Variants in CDH12 observed in about 807,000 individuals in gnomAD.
CDH12 encodes cadherin-12.
In CDH12, 41 loss-of-function variants were observed where a neutral mutation model predicts 74.1. The ratio of observed to expected loss-of-function variants is 0.55; its 90% CI spans 0.43 to 0.72. CDH12 has a LOEUF of 0.72. Among genes scored for constraint, CDH12 ranks in the 30% least tolerant of loss-of-function variants. The pLI, the probability that CDH12 is intolerant of heterozygous loss-of-function variation, is 0.00. For missense variants in CDH12, 945 were observed against 977.2 expected (o/e 0.97, Z 0.44); for synonymous variants, 399 against 355.0 (o/e 1.12, Z -1.39).
intron 6 of CDH12, among the ~76,000 whole-genome samples, chr5:21,974,246 A>C (rs1236353625): frequency 6.6e-6 from 1 of 151,362 alleles, no homozygotes. Flanking sequence ...TACATGTGAT[A>C]AGTTGCTTTA....
chr5:22,689,539 C>T (rs1208759928), intron 1 of CDH12, among the ~76,000 whole-genome samples: 2 of 151,912 alleles, frequency 1.3e-5, no homozygotes, highest in African/African-American at 2.4e-5. Flanking sequence ...AGTGCAAATA[C>T]ATAACTAGGA....
At chr5:22,471,873 T>C (rs1745973115) in intron 2 of CDH12, among the ~76,000 whole-genome samples, 2 of 152,210 alleles carry the variant, frequency 1.3e-5, no homozygotes, top group South Asian at 2.1e-4. Flanking sequence ...AAAGAAATAG[T>C]TCTTCTGGCT....
At chr5:22,283,230 ATATAT>A (rs1736980602) in intron 3 of CDH12, among the ~76,000 whole-genome samples, 7 of 51,066 alleles carry the variant, frequency 1.4e-4, no homozygotes, top group African/African-American at 4.9e-4. Context: ...ATATATATAT[ATATAT>A]ATATATATAT....
At chr5:22,299,510 T>C (rs1485705293) in intron 3 of CDH12, among the ~76,000 whole-genome samples, 1 of 152,160 alleles carries the variant, frequency 6.6e-6, no homozygotes, top group Non-Finnish European at 1.5e-5. Flanking sequence ...AGTAGCATGG[T>C]GTAGTGCAAA....
intron 6 of CDH12, among the ~76,000 whole-genome samples, chr5:21,858,509 A>G (rs1750869112): frequency 6.6e-6 from 1 of 151,952 alleles, no homozygotes; most frequent in Non-Finnish European, 1.5e-5. Context: ...TGGTCAGACA[A>G]TACATTTGAG....
At chr5:22,437,631 C>T (rs534348273) in intron 2 of CDH12, among the ~76,000 whole-genome samples, 111 of 151,540 alleles carry the variant, frequency 7.3e-4, no homozygotes, top group Middle Eastern at 3.4e-3. Context: ...GTAGAAGGAC[C>T]TGAAATATAA....
intron 4 of CDH12, among the ~76,000 whole-genome samples, chr5:22,129,276 G>A (rs904213997): frequency 3.3e-5 from 5 of 152,178 alleles, no homozygotes; most frequent in African/African-American, 4.8e-5. Context: ...ATCTTCATCT[G>A]TGAAGTAGAC....
intron 1 of CDH12, among the ~76,000 whole-genome samples, chr5:22,554,406 G>T (rs142733889): frequency 1.3e-5 from 2 of 152,206 alleles, no homozygotes; most frequent in East Asian, 3.9e-4. Context: ...GAATGGGTAG[G>T]ACAGTGAGTA....
chr5:21,865,379 A>G (rs1411915245), intron 6 of CDH12, among the ~76,000 whole-genome samples: 1 of 152,194 alleles, frequency 6.6e-6, no homozygotes, highest in Non-Finnish European at 1.5e-5. Context: ...TAAAGAGATT[A>G]CTATGGAAAG....
chr5:21,847,764 C>A (rs1579826867), intron 7 of CDH12, among the ~76,000 whole-genome samples: 1 of 152,218 alleles, frequency 6.6e-6, no homozygotes. Flanking sequence ...CTTGGGCAAT[C>A]ACTGTTCTGT....
At chr5:22,378,674 C>T (rs1741638511) in intron 3 of CDH12, among the ~76,000 whole-genome samples, 1 of 151,900 alleles carries the variant, frequency 6.6e-6, no homozygotes, top group Non-Finnish European at 1.5e-5. Context: ...TGAGTTGTGT[C>T]TCTTTATATG....
intron 3 of CDH12, among the ~76,000 whole-genome samples, chr5:22,285,934 T>C (rs1737114248): frequency 6.6e-6 from 1 of 152,118 alleles, no homozygotes; most frequent in Non-Finnish European, 1.5e-5. Context: ...TAGAGGCATG[T>C]ATAAGATAAA....
intron 3 of CDH12, among the ~76,000 whole-genome samples, chr5:22,307,726 T>C (rs960629726): frequency 6.6e-6 from 1 of 152,070 alleles, no homozygotes; most frequent in African/African-American, 2.4e-5. Flanking sequence ...CATATTAATT[T>C]TTAAAATCTT....
At chr5:22,671,809 A>G (rs9293028) in intron 1 of CDH12, among the ~76,000 whole-genome samples, 83,778 of 151,028 alleles carry the variant, frequency 0.55, 23,486 homozygotes, top group Non-Finnish European at 0.58. Context: ...CAAATACTCT[A>G]GGCAACTATT....
intron 3 of CDH12, among the ~76,000 whole-genome samples, chr5:22,237,845 A>AT (rs1312947495): frequency 2.6e-5 from 4 of 152,132 alleles, no homozygotes; most frequent in African/African-American, 9.7e-5. Context: ...ATATACATAC[A>AT]TTTTTTAATG....
At chr5:22,292,696 A>C (rs1737447734) in intron 3 of CDH12, among the ~76,000 whole-genome samples, 1 of 152,064 alleles carries the variant, frequency 6.6e-6, no homozygotes, top group Admixed American at 6.6e-5. Flanking sequence ...ATTAATCATC[A>C]GGAGACATCA....
At chr5:22,247,912 A>G (rs2150385436) in intron 3 of CDH12, among the ~76,000 whole-genome samples, 1 of 152,304 alleles carries the variant, frequency 6.6e-6, no homozygotes, top group East Asian at 1.9e-4. Context: ...CAAATCTTCC[A>G]TGGGTCCATA....
At chr5:22,626,879 C>A (rs1738324839) in intron 1 of CDH12, among the ~76,000 whole-genome samples, 1 of 151,920 alleles carries the variant, frequency 6.6e-6, no homozygotes, top group Non-Finnish European at 1.5e-5. Flanking sequence ...AATGAAAAGA[C>A]AAAATAACTA....
intron 1 of CDH12, among the ~76,000 whole-genome samples, chr5:22,803,759 C>A (rs1221631159): frequency 6.6e-6 from 1 of 152,200 alleles, no homozygotes; most frequent in Non-Finnish European, 1.5e-5. Context: ...CCTTCCTGCT[C>A]TCCCCAGAAA....
Sources: allele counts gnomAD v4.1 joint callset (sites outside exome capture counted in the v4.1 genomes callset), GRCh38; gene constraint gnomAD v4.1.1; transcripts MANE v1.5; gene names NCBI Gene and HGNC (gene_info 2026-07-23, HGNC 2026-07-21).